The following BTC variants were observed in gnomAD, a reference collection of about 807,000 sequenced individuals.
BTC encodes betacellulin.
A neutral mutation model predicts 18.1 loss-of-function variants in BTC; 13 were observed. The observed-to-expected ratio is 0.72, with a 90% CI of 0.47 to 1.14. BTC has a LOEUF of 1.14. Ranked by LOEUF, BTC falls within the 50% of genes most tolerant of loss-of-function variation. BTC has a pLI of 0.00. For synonymous variants in BTC, 83 were observed against 79.4 expected (o/e 1.05, Z -0.24); for missense variants, 247 against 224.2 (o/e 1.10, Z -0.65).
intron 2 of BTC, among the ~76,000 whole-genome samples, chr4:74,763,343 GA>G (rs1195658021): frequency 6.6e-6 from 1 of 152,010 alleles, no homozygotes; most frequent in African/African-American, 2.4e-5. Flanking sequence ...ATAACTCAGT[GA>G]CAAGTTGCAT....
In BTC at chr4:74,750,695, T is replaced by C; in HGVS notation, c.306A>G (p.Ala102=). Residue 102 remains alanine, a synonymous_variant, in exon 4 of 6, where the codon GCA becomes GCG. Coordinates refer to ENST00000395743, the MANE Select transcript of BTC (RefSeq NM_001729.4). The part of the protein sequence containing the change: ...SCVCDEGYIG[A]RCERVDLFYL... Reference sequence around the variant, plus strand: ...AAAACAAGTCAACTCTCTCACACCTTGCTCCAATGTAGCCTTCATCACAGC... The same window carrying C: ...AAAACAAGTCAACTCTCTCACACCTCGCTCCAATGTAGCCTTCATCACAGC... 1 of 1,613,750 alleles carries C rather than the reference T, an allele frequency of 6.2e-7. No homozygotes were observed. The highest frequency in any genetic ancestry group is 8.5e-7 in the Non-Finnish European group (1 of 1,179,878).
intron 1 of BTC, among the ~76,000 whole-genome samples, chr4:74,773,684 T>C (rs1212487904): frequency 6.6e-6 from 1 of 151,772 alleles, no homozygotes; most frequent in Non-Finnish European, 1.5e-5. Flanking sequence ...CAATCTCGGC[T>C]CATTGCTGCC....
Position 74,794,408 on chromosome 4 carries a change from A to G in BTC, c.-83T>C. The G allele has an allele frequency of 1.4e-6, 2 of 1,381,074 alleles. No individual in the cohort carries two copies. Among genetic ancestry groups the G allele is most frequent in the South Asian group, 1.5e-5 (1 of 67,670 alleles). 85.6% of individuals were successfully genotyped at this position (1,381,074 alleles called of 1,614,324 possible). A position where few individuals can be genotyped will look rare whatever the true frequency, so the allele number is the denominator to read the frequency against. ...CCTTCCCGGGCCTCGGGCGCCTGAG[A>G]GGGTGCCTGGAAACTAATCCCGGAG... On this transcript the variant is annotated 5_prime_UTR_variant, in exon 1 of 6. Coordinates refer to ENST00000395743, the MANE Select transcript of BTC (RefSeq NM_001729.4).
intron 2 of BTC, among the ~76,000 whole-genome samples, chr4:74,765,704 T>G (rs1341928333): frequency 6.6e-6 from 1 of 151,776 alleles, no homozygotes; most frequent in Non-Finnish European, 1.5e-5. Context: ...TTGTCAAAAG[T>G]TCAAGATAAA....
At chr4:74,766,006 T>G (rs957503952) in intron 2 of BTC, among the ~76,000 whole-genome samples, 33 of 152,168 alleles carry the variant, frequency 2.2e-4, no homozygotes, top group Non-Finnish European at 4.1e-4. Flanking sequence ...AGCATGTTAC[T>G]GTACTGAATA....
intron 4 of BTC, 107 bp downstream of exon 4, chr4:74,750,466 G>T: frequency 8.5e-7 from 1 of 1,182,780 alleles, no homozygotes; most frequent in Non-Finnish European, 1.2e-6. Flanking sequence ...AAATTTATTT[G>T]AATCAAAGAA....
intron 3 of BTC, among the ~76,000 whole-genome samples, chr4:74,751,192 G>GT (rs1724450427): frequency 6.6e-6 from 1 of 152,118 alleles, no homozygotes; most frequent in African/African-American, 2.4e-5. Flanking sequence ...GCATGTGAAA[G>GT]TTCATAACAC....
chr4:74,771,269 A>G (rs1291373633), intron 1 of BTC, among the ~76,000 whole-genome samples: 1 of 152,194 alleles, frequency 6.6e-6, no homozygotes, highest in East Asian at 1.9e-4. Flanking sequence ...AAGTATGAAA[A>G]GCACTTAACA....
rs571393814 is a variant in BTC, at chr4:74,770,084, C to G, written c.137G>C (p.Cys46Ser). 6.2e-7 allele frequency: 1 copy of G among 1,613,144 alleles called. No individual in the cohort carries two copies. The highest frequency in any genetic ancestry group is 2.2e-5 in the East Asian group (1 of 44,846). ...TRSPETNGLL[C>S]GDPEENCAAT... ...TGCACAGTTTTCCTCAGGGTCTCCA[C>G]AGAGGAGGCCATTAGTTTCAGGACT... Residue 46 changes from cysteine (C) to serine (S), a missense_variant, in exon 2 of 6, where the codon TGT (cysteine) becomes TCT (serine). Cys to Ser is a moderately radical substitution (Grantham distance 112). Coordinates refer to ENST00000395743, the MANE Select transcript of BTC (RefSeq NM_001729.4).
chr4:74,755,824 C>G (rs782025386), intron 3 of BTC, 35 bp downstream of exon 3: 3 of 1,594,162 alleles, frequency 1.9e-6, no homozygotes, highest in African/African-American at 1.3e-5. Flanking sequence ...CCATTCTGCA[C>G]CCTTTTGCTT....
chr4:74,784,222 A>G (rs1341546495), intron 1 of BTC, among the ~76,000 whole-genome samples: 1 of 141,080 alleles, frequency 7.1e-6, no homozygotes, highest in Non-Finnish European at 1.5e-5. Context: ...ACAGAGAGAG[A>G]TTCTCTCTCG....
intron 4 of BTC, among the ~76,000 whole-genome samples, chr4:74,749,129 G>C (rs1456952740): frequency 1.3e-5 from 2 of 152,050 alleles, no homozygotes; most frequent in African/African-American, 4.8e-5. Flanking sequence ...GAGGAACCGA[G>C]ACAAAAATCA....
At chr4:74,793,982 G>A (rs1725701743) in intron 1 of BTC, among the ~76,000 whole-genome samples, 1 of 151,926 alleles carries the variant, frequency 6.6e-6, no homozygotes, top group Non-Finnish European at 1.5e-5. Context: ...TCAGCAGCTG[G>A]CGGCCTGCTC....
At chr4:74,783,777 CCT>C (rs1314687914) in intron 1 of BTC, among the ~76,000 whole-genome samples, 2 of 151,930 alleles carry the variant, frequency 1.3e-5, no homozygotes, top group African/African-American at 4.8e-5. Context: ...TTGTTTGTGT[CCT>C]CTCTGATTTC....
intron 1 of BTC, among the ~76,000 whole-genome samples, chr4:74,790,795 G>T (rs745379411): frequency 2.6e-5 from 4 of 152,166 alleles, no homozygotes; most frequent in Non-Finnish European, 4.4e-5. Flanking sequence ...AGGCTAGCCT[G>T]GCCCTGAGCT....
Position 74,748,107 on chromosome 4 carries a change from T to G in BTC, c.471A>C (p.Glu157Asp). The change falls in exon 5 of 6, where the codon GAA becomes GAC. Residue 157 changes from glutamate (E) to aspartate (D), a missense_variant. Physicochemically the swap from Glu to Asp is conservative, Grantham distance 45. Transcript: ENST00000395743. ...TTATATCTTTACCCAGAGTTTCCATTTCTTCTTCTTTCTTCTTTCTTTTAC... is the reference window on the plus strand; with the variant it reads ...TTATATCTTTACCCAGAGTTTCCATGTCTTCTTCTTTCTTCTTTCTTTTAC... Reference protein sequence around the residue: ...KRRKRKKKEEEMETLGKDITP... With the variant: ...KRRKRKKKEEDMETLGKDITP... The G allele has an allele frequency of 6.2e-7, 1 of 1,610,112 alleles. No homozygotes were observed. The highest frequency in any genetic ancestry group is 8.5e-7 in the Non-Finnish European group (1 of 1,178,968).
At position 74,794,261 on chromosome 4, in the gene BTC, C is replaced by A; in HGVS notation, c.64+1G>T. ...TTCCAGTGCCCAGCACGGCCACTTA[C>A]CCAGGGCAAGGGCCAGGAGCAGTGG... On this transcript the variant is annotated splice_donor_variant, in intron 1 of 5. Transcript: ENST00000395743. LOFTEE classifies it high-confidence loss of function. The A allele has an allele frequency of 6.5e-7, 1 of 1,550,260 alleles. No individual in the cohort carries two copies. Among genetic ancestry groups the A allele is most frequent in the Non-Finnish European group, 8.7e-7 (1 of 1,146,780 alleles).
chr4:74,779,628 G>A (rs190394553), intron 1 of BTC, among the ~76,000 whole-genome samples: 1 of 152,206 alleles, frequency 6.6e-6, no homozygotes, highest in Admixed American at 6.6e-5. Flanking sequence ...TTATCCAAGT[G>A]CAAAGTGAGG....
In BTC at chr4:74,748,196, C is replaced by A. The variant is rs546136065; in HGVS notation, c.429-47G>T. On this transcript the variant is annotated intron_variant, in intron 4 of 5. Coordinates refer to ENST00000395743, the MANE Select transcript of BTC (RefSeq NM_001729.4). ...GTTAGTATGGGCCTAGTAGTTCATG[C>A]GAACACAAAATTATCCATCAAGAGA... The A allele has an allele frequency of 8.7e-7, 1 of 1,143,836 alleles. No homozygotes were observed. The allele number at this position is 1,143,836 out of a possible 1,614,324, so 70.9% of individuals were successfully genotyped here.
Sources: gnomAD v4.1 joint callset for allele counts (sites outside exome capture counted in the v4.1 genomes callset) on GRCh38, gnomAD v4.1.1 for gene constraint, MANE v1.5 for transcripts, NCBI Gene and HGNC (gene_info 2026-07-23, HGNC 2026-07-21) for gene names.